KYAT1: variants seen among roughly 807,000 people sequenced by gnomAD.
KYAT1 encodes kynurenine aminotransferase 1.
Under a neutral mutation model 52.4 loss-of-function variants are expected in KYAT1, and 47 were observed. The ratio of observed to expected loss-of-function variants is 0.90; its 90% confidence interval spans 0.71 to 1.14. KYAT1 has a LOEUF of 1.14. Ranked by LOEUF, KYAT1 falls within the 50% of genes most tolerant of loss-of-function variation. The pLI is 0.00. For synonymous variants in KYAT1, 212 were observed against 209.6 expected (o/e 1.01, Z -0.10); for missense variants, 480 against 557.9 (o/e 0.86, Z 1.41).
At chr9:128,836,426 G>A (rs1462880497) in intron 7 of KYAT1, among the ~76,000 whole-genome samples, 9 of 151,646 alleles carry the variant, frequency 5.9e-5, no homozygotes, top group African/African-American at 2.2e-4. Flanking sequence ...AGCTTCCTGA[G>A]TAGCTGGGAC....
chr9:128,837,931 C>T, intron 5 of KYAT1, 118 bp from the exon 6 acceptor site: 1 of 1,480,516 alleles, frequency 6.8e-7, no homozygotes, highest in Non-Finnish European at 9.4e-7. Context: ...TCCCCTCTGC[C>T]CTCCCAGCTT....
chr9:128,862,950 G>T (rs750304839), intron 1 of KYAT1, among the ~76,000 whole-genome samples: 1 of 152,108 alleles, frequency 6.6e-6, no homozygotes, highest in South Asian at 2.1e-4. Flanking sequence ...TCAGCCTCCC[G>T]AGTGGCTGGG....
intron 3 of KYAT1, among the ~76,000 whole-genome samples, chr9:128,840,215 T>C (rs1406049739): frequency 6.6e-6 from 1 of 152,164 alleles, no homozygotes; most frequent in Non-Finnish European, 1.5e-5. Flanking sequence ...GGTGGGAGGA[T>C]TGCTTGAGCC....
chr9:128,833,548 A>G lies in KYAT1; in HGVS notation c.*36T>C, dbSNP rs1263117820. The G allele has an allele frequency of 8.1e-6, 13 of 1,597,454 alleles. No individual in the cohort carries two copies. The highest frequency in any genetic ancestry group is 1.1e-5 in the Non-Finnish European group (13 of 1,164,828). ...ACACTCAAAGAGGATCTCTGCGGGCATGTGGGGATGTCAGGGCCAAGGCGT... is the reference window on the plus strand; with the variant it reads ...ACACTCAAAGAGGATCTCTGCGGGCGTGTGGGGATGTCAGGGCCAAGGCGT... On this transcript the variant is annotated 3_prime_UTR_variant, in exon 13 of 13. Transcript: ENST00000302586.
At chr9:128,861,200 C>T (rs1376267361) in intron 1 of KYAT1, among the ~76,000 whole-genome samples, 1 of 152,154 alleles carries the variant, frequency 6.6e-6, no homozygotes, top group African/African-American at 2.4e-5. Flanking sequence ...AGCTGTGTCC[C>T]CACCCAAATC....
At position 128,873,634 on chromosome 9, in the gene KYAT1, G is replaced by A. The variant is rs967319371; in HGVS notation, c.-7+8263C>T. On this transcript the variant is annotated intron_variant, in intron 1 of 12. Coordinates refer to ENST00000302586, the MANE Select transcript of KYAT1 (RefSeq NM_004059.5). ...TAAAATTACAAAAAAAATTAGCTGG[G>A]TGTAGTGGCAGGTGCCTGTAATCCC... is the stretch of plus-strand genomic sequence containing the variant. Among the ~76,000 whole-genome samples, 7 of 152,044 alleles carry A rather than the reference G, an allele frequency of 4.6e-5. No homozygotes were observed. The East Asian group carries it at 1.4e-3, about 29-fold the overall frequency.
Position 128,842,883 on chromosome 9 carries a change from C to T in KYAT1, c.54-82G>A. The T allele has an allele frequency of 2.1e-6, 3 of 1,455,620 alleles. No individual in the cohort carries two copies. In the South Asian group the frequency reaches 3.9e-5, roughly 19 times the overall value. 90.2% of individuals were successfully genotyped at this position (1,455,620 alleles called of 1,614,324 possible). The stretch of plus-strand genomic sequence containing the variant: ...CGGCCTGTTTAGAAAAACTGGACAA[C>T]CGGCCAGGTGTGGTGGCTCACGCCT... On this transcript the variant is annotated intron_variant, in intron 2 of 12. Coordinates refer to ENST00000302586, the MANE Select transcript of KYAT1 (RefSeq NM_004059.5).
Position 128,839,573 on chromosome 9 carries a change from C to T in KYAT1, c.202-1206G>A, listed in dbSNP as rs956941233. 5.9e-5 allele frequency among the ~76,000 whole-genome samples: 9 copies of T among 151,616 alleles called. No individual in the cohort carries two copies. In the South Asian group the frequency reaches 1.0e-3, roughly 18 times the overall value. Reference sequence around the variant, plus strand: ...CCGGGAGGCGGAGCTTGCAGTGAGCCGAGATCGCGCCACTGCACTCCAGCC... The same window carrying T: ...CCGGGAGGCGGAGCTTGCAGTGAGCTGAGATCGCGCCACTGCACTCCAGCC... On this transcript the variant is annotated intron_variant, in intron 3 of 12. Coordinates refer to ENST00000302586, the MANE Select transcript of KYAT1 (RefSeq NM_004059.5).
chr9:128,834,687 G>A (rs1830686349), intron 11 of KYAT1, among the ~76,000 whole-genome samples: 1 of 151,436 alleles, frequency 6.6e-6, no homozygotes, highest in African/African-American at 2.4e-5. Context: ...AGCCAGGCGT[G>A]GTTGTACATG....
intron 7 of KYAT1, 28 bp downstream of exon 7, chr9:128,836,774 G>A: frequency 6.2e-7 from 1 of 1,608,612 alleles, no homozygotes; most frequent in Admixed American, 1.7e-5. Context: ...AATGTGCAGG[G>A]GAGGGGCCCC....
chr9:128,865,736 C>G (rs1157429622), intron 1 of KYAT1, among the ~76,000 whole-genome samples: 1 of 152,048 alleles, frequency 6.6e-6, no homozygotes, highest in Admixed American at 6.6e-5. Flanking sequence ...CATGGATGCT[C>G]AATGGGAAAT....
At chr9:128,858,550 T>C (rs907887548) in intron 1 of KYAT1, among the ~76,000 whole-genome samples, 2 of 150,814 alleles carry the variant, frequency 1.3e-5, no homozygotes, top group South Asian at 4.2e-4. Context: ...CTACAAAAAT[T>C]AGCCAGGCGT....
intron 8 of KYAT1, 35 bp downstream of exon 8, chr9:128,835,962 C>CA (rs777568650): frequency 3.7e-6 from 6 of 1,603,184 alleles, no homozygotes; most frequent in Non-Finnish European, 3.4e-6. Flanking sequence ...AAGGATCTTG[C>CA]AGGGGGTGGT....
chr9:128,854,919 C>A (rs2119350329), intron 1 of KYAT1, among the ~76,000 whole-genome samples: 1 of 152,112 alleles, frequency 6.6e-6, no homozygotes, highest in East Asian at 1.9e-4. Flanking sequence ...TGCCTACAAC[C>A]CAAAATTGGT....
intron 1 of KYAT1, among the ~76,000 whole-genome samples, chr9:128,871,974 C>A (rs1219980785): frequency 2.1e-5 from 3 of 146,100 alleles, no homozygotes; most frequent in Admixed American, 2.1e-4. Context: ...AAAAAAAATA[C>A]AAAAATTAGC....
chr9:128,880,669 A>T (rs1049868501), intron 1 of KYAT1, among the ~76,000 whole-genome samples: 1 of 151,584 alleles, frequency 6.6e-6, no homozygotes, highest in Non-Finnish European at 1.5e-5. Flanking sequence ...GTCTCGATCT[A>T]CTGACCTCGT....
chr9:128,834,927 G>A (rs1188290753), intron 11 of KYAT1, among the ~76,000 whole-genome samples: 1 of 151,292 alleles, frequency 6.6e-6, no homozygotes. Flanking sequence ...ACAAGGTCAG[G>A]AGATCAAGAC....
At chr9:128,864,695 G>A (rs534138934) in intron 1 of KYAT1, among the ~76,000 whole-genome samples, 4 of 152,056 alleles carry the variant, frequency 2.6e-5, no homozygotes, top group African/African-American at 7.2e-5. Context: ...TGCAACCTCC[G>A]CCTCCCATGT....
chr9:128,870,614 A>G (rs1331653129), intron 1 of KYAT1, among the ~76,000 whole-genome samples: 2 of 152,020 alleles, frequency 1.3e-5, no homozygotes, highest in African/African-American at 4.8e-5. Context: ...TCCAGTCTGG[A>G]CAACAGAGCA....
Sources: gnomAD v4.1 joint callset for allele counts (sites outside exome capture counted in the v4.1 genomes callset) on GRCh38, gnomAD v4.1.1 for gene constraint, MANE v1.5 for transcripts, NCBI Gene and HGNC (gene_info 2026-07-23, HGNC 2026-07-21) for gene names.